Variants in ROBO2 observed in about 807,000 individuals in gnomAD.
ROBO2 encodes roundabout guidance receptor 2.
A neutral mutation model predicts 160.8 loss-of-function variants in ROBO2; 53 were observed. The observed-to-expected ratio is 0.33, with a 90% CI of 0.26 to 0.41. ROBO2 has a LOEUF of 0.41. Ranked by LOEUF, ROBO2 falls within the 10% of genes least tolerant of loss-of-function variation. The pLI, the probability that ROBO2 is intolerant of heterozygous loss-of-function variation, is 1.00. For synonymous variants in ROBO2, 664 were observed against 611.7 expected (o/e 1.09, Z -1.26); for missense variants, 1,577 against 1,722.4 (o/e 0.92, Z 1.49).
At chr3:76,659,032 A>C (rs938104975) in intron 2 of ROBO2, among the ~76,000 whole-genome samples, 3 of 152,056 alleles carry the variant, frequency 2.0e-5, no homozygotes, top group African/African-American at 7.2e-5. Flanking sequence ...TGTTTTTTAA[A>C]AACTTAGATT....
At chr3:76,041,377 A>T (rs2067268204) in intron 2 of ROBO2, among the ~76,000 whole-genome samples, 1 of 151,886 alleles carries the variant, frequency 6.6e-6, no homozygotes. Flanking sequence ...TGTGTCGGAG[A>T]CCCTCAGACC....
At chr3:76,291,670 C>A (rs1310040313) in intron 2 of ROBO2, among the ~76,000 whole-genome samples, 2 of 152,086 alleles carry the variant, frequency 1.3e-5, no homozygotes, top group African/African-American at 4.8e-5. Context: ...TAGTGCTTTA[C>A]TTTCCTATTA....
At chr3:76,788,927 C>G (rs564443637) in intron 2 of ROBO2, among the ~76,000 whole-genome samples, 1 of 151,644 alleles carries the variant, frequency 6.6e-6, no homozygotes, top group East Asian at 2.0e-4. Flanking sequence ...TACAGGTGGA[C>G]CTTTCTTGAT....
Position 77,233,319 on chromosome 3 carries a change from CT to C in ROBO2, c.388+134980del, listed in dbSNP as rs532526134. Among the ~76,000 whole-genome samples, 318 of 152,294 alleles carry C rather than the reference CT, an allele frequency of 2.1e-3. 1 individual carries two copies. The highest frequency in any genetic ancestry group is 6.8e-3 in the African/African-American group (283 of 41,558). The stretch of plus-strand genomic sequence containing the variant: ...CAAAAGAAATAATCCTTGCCCCCCC[CT>C]CCACTTTTTTTATTTTTGTCTTCAG... On this transcript the variant is annotated intron_variant, in intron 2 of 25. Transcript: ENST00000461745.
intron 2 of ROBO2, among the ~76,000 whole-genome samples, chr3:76,233,678 A>T (rs6549850): frequency 6.6e-5 from 10 of 151,830 alleles, no homozygotes; most frequent in Non-Finnish European, 1.3e-4. Flanking sequence ...GTTAAATTCA[A>T]GCACGTCATT....
chr3:76,194,365 T>TATATATATAC (rs1553672769), intron 2 of ROBO2, among the ~76,000 whole-genome samples: 4 of 119,892 alleles, frequency 3.3e-5, no homozygotes, highest in African/African-American at 1.4e-4. Flanking sequence ...TATATATATA[T>TATATATATAC]ATATATATAT....
intron 2 of ROBO2, among the ~76,000 whole-genome samples, chr3:76,384,018 A>G (rs1202165592): frequency 6.6e-6 from 1 of 152,226 alleles, no homozygotes; most frequent in Non-Finnish European, 1.5e-5. Context: ...AGAAATGCAG[A>G]AGAGCGTCCC....
chr3:77,643,132 A>G (rs943373941), intron 24 of ROBO2, among the ~76,000 whole-genome samples, 189 bp downstream of exon 26: 1 of 152,244 alleles, frequency 6.6e-6, no homozygotes, highest in Non-Finnish European at 1.5e-5. Context: ...ATTGCTCCTC[A>G]GTCAGCCTCT....
intron 6 of ROBO2, among the ~76,000 whole-genome samples, chr3:77,532,209 TC>T (rs2091785837): frequency 6.6e-6 from 1 of 151,888 alleles, no homozygotes; most frequent in Admixed American, 6.6e-5. Context: ...CTCTCACACT[TC>T]TTTCTTTTTT....
intron 2 of ROBO2, among the ~76,000 whole-genome samples, chr3:76,368,600 A>G (rs1257327727): frequency 6.6e-6 from 1 of 151,964 alleles, no homozygotes; most frequent in Non-Finnish European, 1.5e-5. Flanking sequence ...GACATCTCAC[A>G]TGGCAGCAAA....
intron 1 of ROBO2, among the ~76,000 whole-genome samples, chr3:75,924,681 C>CT (rs60599175): frequency 0.091 from 5,991 of 65,742 alleles, 1,719 homozygotes; most frequent in African/African-American, 0.34. Flanking sequence ...ATTTTCTTTT[C>CT]TTTTTTTTTT....
intron 2 of ROBO2, among the ~76,000 whole-genome samples, chr3:76,494,275 T>C (rs2080011689): frequency 6.6e-6 from 1 of 152,206 alleles, no homozygotes; most frequent in Non-Finnish European, 1.5e-5. Flanking sequence ...TAGGGTACTT[T>C]AGCTGAGCCT....
intron 2 of ROBO2, among the ~76,000 whole-genome samples, chr3:76,749,039 G>A (rs1043718108): frequency 4.0e-5 from 6 of 151,570 alleles, no homozygotes; most frequent in African/African-American, 1.5e-4. Context: ...AATATTTAAT[G>A]ACAAATATAT....
At chr3:76,386,987 C>A (rs2076922866) in intron 2 of ROBO2, among the ~76,000 whole-genome samples, 1 of 152,138 alleles carries the variant, frequency 6.6e-6, no homozygotes, top group South Asian at 2.1e-4. Context: ...CAAAATTCCA[C>A]AGGCTGAATA....
chr3:76,916,555 C>A (rs77273997), intron 2 of ROBO2, among the ~76,000 whole-genome samples: 1 of 127,962 alleles, frequency 7.8e-6, no homozygotes, highest in Non-Finnish European at 1.8e-5. Flanking sequence ...CATTTTGTTA[C>A]GGAAATCTTC....
chr3:76,456,935 C>G (rs186171177), intron 2 of ROBO2, among the ~76,000 whole-genome samples: 1 of 152,248 alleles, frequency 6.6e-6, no homozygotes, highest in Non-Finnish European at 1.5e-5. Context: ...ACAAAAATAG[C>G]AGGGGGAAGA....
rs936718113 is a variant in ROBO2, at chr3:77,173,887, A to G, written c.388+75547A>G. Among the ~76,000 whole-genome samples the G allele has an allele frequency of 3.9e-5, 6 of 152,146 alleles. No individual in the cohort carries two copies. In the South Asian group the frequency reaches 6.2e-4, roughly 16 times the overall value. ...TTTTCTTAGAACTGACCATCAGGGA[A>G]ATTGCTTTTGACTCCAAACACCTAC... On this transcript the variant is annotated intron_variant, in intron 2 of 25. Transcript: ENST00000461745.
chr3:77,358,303 C>T (rs900925144), intron 2 of ROBO2, among the ~76,000 whole-genome samples: 1 of 152,148 alleles, frequency 6.6e-6, no homozygotes, highest in African/African-American at 2.4e-5. Flanking sequence ...CCAGTTCCTT[C>T]CTCTGTTCTC....
intron 2 of ROBO2, among the ~76,000 whole-genome samples, chr3:77,378,091 A>G (rs2072932357): frequency 6.6e-6 from 1 of 152,226 alleles, no homozygotes; most frequent in South Asian, 2.1e-4. Flanking sequence ...AACAGACTTT[A>G]GAAAGATTAA....
Sources: allele counts gnomAD v4.1 joint callset (sites outside exome capture counted in the v4.1 genomes callset), GRCh38; gene constraint gnomAD v4.1.1; transcripts MANE v1.5; gene names NCBI Gene and HGNC (gene_info 2026-07-23, HGNC 2026-07-21).